The following FYB1 variants were observed in gnomAD, a reference collection of about 807,000 sequenced individuals.
The protein encoded by FYB1 is FYN binding protein 1.
A neutral mutation model predicts 94.1 loss-of-function variants in FYB1; 41 were observed. That is an observed-to-expected ratio of 0.44 (90% CI 0.34 to 0.57). The LOEUF (loss-of-function observed/expected upper bound fraction) is 0.57, where lower values mean the gene tolerates loss of function less well. Among genes scored for constraint, FYB1 ranks in the 20% least tolerant of loss-of-function variants. FYB1 has a pLI of 0.02. For synonymous variants in FYB1, 367 were observed against 353.2 expected (o/e 1.04, Z -0.44); for missense variants, 1,050 against 976.8 (o/e 1.07, Z -1.00).
At chr5:39,120,821 C>G (rs1428513122) in intron 14 of FYB1, among the ~76,000 whole-genome samples, 1 of 151,976 alleles carries the variant, frequency 6.6e-6, no homozygotes, top group East Asian at 1.9e-4. Flanking sequence ...AGAGAATTAG[C>G]ACAATATCTA....
chr5:39,237,386 G>A lies in FYB1; in HGVS notation c.-27-34399C>T, dbSNP rs1266822288. ...AAAGAATGAATTAAATTTGGGCTTCGCAGTCTGTGGGTCCAGGTGTTATAA... is the reference window on the plus strand; with the variant it reads ...AAAGAATGAATTAAATTTGGGCTTCACAGTCTGTGGGTCCAGGTGTTATAA... On this transcript the variant is annotated intron_variant, in intron 1 of 1. Coordinates refer to the FYB1 transcript ENST00000510188. Among the ~76,000 whole-genome samples, 7 of 151,928 alleles carry A rather than the reference G, an allele frequency of 4.6e-5. No homozygotes were observed. In the South Asian group the frequency reaches 6.2e-4, roughly 14 times the overall value.
At chr5:39,261,305 TA>T (rs34116289) in intron 1 of FYB1, among the ~76,000 whole-genome samples, 69,540 of 121,702 alleles carry the variant, frequency 0.57, 17,875 homozygotes, top group Non-Finnish European at 0.58. Flanking sequence ...AAAGTAGAAT[TA>T]AAAAAAAAAA....
intron 1 of FYB1, among the ~76,000 whole-genome samples, chr5:39,260,411 C>T (rs1019514441): frequency 1.3e-5 from 2 of 152,204 alleles, no homozygotes; most frequent in African/African-American, 2.4e-5. Flanking sequence ...AAGCCTAAAA[C>T]ATTGACTACT....
chr5:39,201,956 T>C lies in FYB1; in HGVS notation c.1005A>G (p.Gly335=). 1 of 1,614,014 alleles carries C rather than the reference T, an allele frequency of 6.2e-7. No individual in the cohort carries two copies. Among genetic ancestry groups the C allele is most frequent in the Non-Finnish European group, 8.5e-7 (1 of 1,179,884 alleles). The change falls in exon 2 of 19, where the codon GGA becomes GGG. Residue 335 remains glycine (G), a synonymous_variant. Coordinates refer to ENST00000512982, the MANE Select transcript of FYB1 (RefSeq NM_001465.6). ...GTTTCGGGGTGGCTGAATTCTTGTCTCCCTTTTCCTTTTCCTGACTTTGGC... is the reference window on the plus strand; with the variant it reads ...GTTTCGGGGTGGCTGAATTCTTGTCCCCCTTTTCCTTTTCCTGACTTTGGC... ...PWGQSQEKEK[G]DKNSATPKQK...
intron 1 of FYB1, among the ~76,000 whole-genome samples, chr5:39,232,032 G>A (rs142519328): frequency 6.6e-6 from 1 of 152,128 alleles, no homozygotes; most frequent in African/African-American, 2.4e-5. Context: ...TCATCAAACT[G>A]TTTGCCTTAG....
chr5:39,158,593 C>T (rs1743966481), intron 2 of FYB1, among the ~76,000 whole-genome samples: 1 of 152,156 alleles, frequency 6.6e-6, no homozygotes. Flanking sequence ...TTATGTATTT[C>T]TGTTGGTCAA....
chr5:39,274,056 C>T (rs534795342), intron 1 of FYB1, among the ~76,000 whole-genome samples: 1 of 152,216 alleles, frequency 6.6e-6, no homozygotes, highest in South Asian at 2.1e-4. Context: ...TCCCAAGTAA[C>T]TGAGATTACA....
chr5:39,257,506 T>C (rs995563088), intron 1 of FYB1, among the ~76,000 whole-genome samples: 1 of 151,994 alleles, frequency 6.6e-6, no homozygotes, highest in African/African-American at 2.4e-5. Flanking sequence ...ATGCTGAAGA[T>C]ATTCACACAT....
intron 1 of FYB1, among the ~76,000 whole-genome samples, chr5:39,204,858 A>G (rs147352780): frequency 4.6e-5 from 7 of 152,258 alleles, no homozygotes; most frequent in South Asian, 2.1e-4. Flanking sequence ...TGTAACTTTA[A>G]TTTACCTCCC....
chr5:39,118,644 C>A (rs1291320171), intron 16 of FYB1, among the ~76,000 whole-genome samples: 2 of 152,090 alleles, frequency 1.3e-5, no homozygotes, highest in Non-Finnish European at 2.9e-5. Context: ...TTGGCATTAT[C>A]TTTGACACCG....
intron 2 of FYB1, among the ~76,000 whole-genome samples, chr5:39,163,710 C>CT (rs1580430553): frequency 6.6e-6 from 1 of 152,174 alleles, no homozygotes; most frequent in East Asian, 1.9e-4. Flanking sequence ...ACTTTTGGAT[C>CT]TTTTTTTGGA....
At chr5:39,108,448 T>A (rs1387309182) in intron 17 of FYB1, among the ~76,000 whole-genome samples, 186 bp from the exon 18 acceptor site, 1 of 152,092 alleles carries the variant, frequency 6.6e-6, no homozygotes, top group African/African-American at 2.4e-5. Context: ...CTTAATCTAG[T>A]CCTCTGTTTC....
At chr5:39,114,264 T>C (rs1739328660) in intron 16 of FYB1, among the ~76,000 whole-genome samples, 2 of 152,276 alleles carry the variant, frequency 1.3e-5, no homozygotes, top group African/African-American at 2.4e-5. Flanking sequence ...TTGTGGAATA[T>C]GTATAAATAC....
At chr5:39,200,973 T>C (rs1346473926) in intron 2 of FYB1, among the ~76,000 whole-genome samples, 1 of 152,182 alleles carries the variant, frequency 6.6e-6, no homozygotes, top group Non-Finnish European at 1.5e-5. Flanking sequence ...TCCAAGAGAA[T>C]TGCAGTGATA....
At chr5:39,176,424 A>G (rs1382966400) in intron 2 of FYB1, among the ~76,000 whole-genome samples, 1 of 152,086 alleles carries the variant, frequency 6.6e-6, no homozygotes, top group African/African-American at 2.4e-5. Flanking sequence ...TGCTGAGATT[A>G]CAGGCATGAG....
intron 1 of FYB1, among the ~76,000 whole-genome samples, chr5:39,240,798 G>T (rs192151042): frequency 6.6e-6 from 1 of 152,136 alleles, no homozygotes; most frequent in African/African-American, 2.4e-5. Flanking sequence ...AGTATCATTC[G>T]ATTCAGCAAT....
intron 1 of FYB1, among the ~76,000 whole-genome samples, chr5:39,247,088 A>G (rs555058098): frequency 7.3e-6 from 1 of 137,394 alleles, no homozygotes; most frequent in Non-Finnish European, 1.6e-5. Context: ...ATATATATAT[A>G]TATATATATA....
chr5:39,125,091 A>C (rs1370334573), intron 12 of FYB1, among the ~76,000 whole-genome samples: 2 of 151,848 alleles, frequency 1.3e-5, no homozygotes, highest in Non-Finnish European at 2.9e-5. Flanking sequence ...GAAAAAAAAA[A>C]CCCTCTCATT....
intron 1 of FYB1, among the ~76,000 whole-genome samples, chr5:39,262,024 T>C (rs530235481): frequency 1.3e-4 from 20 of 152,188 alleles, no homozygotes; most frequent in African/African-American, 4.6e-4. Flanking sequence ...AACATGAAAA[T>C]GGAGTCTTAA....
Sources: allele counts gnomAD v4.1 joint callset (sites outside exome capture counted in the v4.1 genomes callset), GRCh38; gene constraint gnomAD v4.1.1; transcripts MANE v1.5; gene names NCBI Gene and HGNC (gene_info 2026-07-23, HGNC 2026-07-21).